KATNIP: variants seen among roughly 807,000 people sequenced by gnomAD.
KATNIP encodes the protein katanin interacting protein.
Under a neutral mutation model 174.0 loss-of-function variants are expected in KATNIP, and 126 were observed. The ratio of observed to expected loss-of-function variants is 0.72; its 90% CI spans 0.63 to 0.84. KATNIP has a LOEUF of 0.84. Among genes scored for constraint, KATNIP ranks in the 40% least tolerant of loss-of-function variants. KATNIP has a pLI of 0.00. For synonymous variants in KATNIP, 810 were observed against 835.7 expected (o/e 0.97, Z 0.53); for missense variants, 1,958 against 2,109.7 (o/e 0.93, Z 1.41).
chr16:27,746,811 A>G (rs2081313312), intron 15 of KATNIP, among the ~76,000 whole-genome samples: 1 of 152,000 alleles, frequency 6.6e-6, no homozygotes, highest in Non-Finnish European at 1.5e-5. Flanking sequence ...GGGAGCGCAG[A>G]GGGGAGGGGA....
At chr16:27,675,340 G>C (rs977428004) in intron 6 of KATNIP, among the ~76,000 whole-genome samples, 1 of 152,182 alleles carries the variant, frequency 6.6e-6, no homozygotes, top group Admixed American at 6.5e-5. Flanking sequence ...CTATGATTCA[G>C]TTATCTCCAC....
chr16:27,694,377 AG>A (rs1484969501), intron 8 of KATNIP, among the ~76,000 whole-genome samples: 1 of 152,204 alleles, frequency 6.6e-6, no homozygotes, highest in Non-Finnish European at 1.5e-5. Flanking sequence ...GCCTTGTACC[AG>A]GTCACAAGTA....
chr16:27,647,048 C>T (rs937491679), intron 5 of KATNIP, among the ~76,000 whole-genome samples: 3 of 151,944 alleles, frequency 2.0e-5, no homozygotes, highest in Non-Finnish European at 2.9e-5. Flanking sequence ...CGGGTTCACG[C>T]GGTTCCTCTT....
rs1050621793 is a variant in KATNIP at position 27,738,594 on chromosome 16, G to A, written c.1744-1447G>A. Reference sequence around the variant, plus strand: ...TAGGCTGGCAGTGAGAGAGGAGAGCGAGGTGGGGACCATTTGTGAAGGTTA... The same window carrying A: ...TAGGCTGGCAGTGAGAGAGGAGAGCAAGGTGGGGACCATTTGTGAAGGTTA... On this transcript the variant is annotated intron_variant, in intron 14 of 27. Transcript: ENST00000261588. Among the ~76,000 whole-genome samples the A allele has an allele frequency of 5.3e-5, 8 of 152,172 alleles. 1 individual carries two copies. The highest frequency in any genetic ancestry group is 1.4e-4 in the African/African-American group (6 of 41,420).
chr16:27,739,945 C>T, intron 14 of KATNIP, 96 bp from the exon 15 acceptor site: 1 of 1,344,716 alleles, frequency 7.4e-7, no homozygotes. Flanking sequence ...TAGCATTTCA[C>T]ATTTTCTTTT....
rs756837624 is a variant in KATNIP, at chr16:27,648,618, C to A, written c.423C>A (p.Ile141=). The A allele has an allele frequency of 6.2e-7, 1 of 1,614,176 alleles. No homozygotes were observed. The highest frequency in any genetic ancestry group is 8.5e-7 in the Non-Finnish European group (1 of 1,180,030). ...RRGWHQKSVQ[I]RTEAGPRLHI... is the part of the protein sequence containing the mutation. The stretch of plus-strand genomic sequence containing the variant: ...TTTTTGTACAGAAATCTGTGCAGAT[C>A]AGAACAGAAGCTGGCCCACGGCTCC... The change falls in exon 6 of 28, where the codon ATC becomes ATA. Residue 141 remains isoleucine (I), a synonymous_variant. Transcript: ENST00000261588.
chr16:27,677,952 G>A lies in KATNIP; in HGVS notation c.764G>A (p.Gly255Asp). The A allele has an allele frequency of 6.2e-7, 1 of 1,614,224 alleles. No homozygotes were observed. Among genetic ancestry groups the A allele is most frequent in the Non-Finnish European group, 8.5e-7 (1 of 1,180,038 alleles). The change falls in exon 7 of 28, where the codon GGC (glycine) becomes GAC (aspartate). Residue 255 changes from glycine (G) to aspartate (D), a missense_variant. Coordinates refer to ENST00000261588, the MANE Select transcript of KATNIP (RefSeq NM_015202.5). ...GAGACAGAAGGACGCTCTTCTCCAG[G>A]CCCAGACACCCTCGTGGTGCTGGAA... is the stretch of plus-strand genomic sequence containing the variant. ...EQETEGRSSP[G>D]PDTLVVLEFN...
At chr16:27,715,727 A>G (rs2079902751) in intron 13 of KATNIP, among the ~76,000 whole-genome samples, 1 of 152,224 alleles carries the variant, frequency 6.6e-6, no homozygotes, top group Non-Finnish European at 1.5e-5. Flanking sequence ...GCAAATCAAA[A>G]CCGCAATGAG....
At chr16:27,562,911 A>G (rs2089944924) in intron 1 of KATNIP, among the ~76,000 whole-genome samples, 1 of 152,254 alleles carries the variant, frequency 6.6e-6, no homozygotes. Flanking sequence ...GGAAGGGATC[A>G]GGAAAGCACA....
chr16:27,576,685 C>T (rs2090510403), intron 2 of KATNIP, among the ~76,000 whole-genome samples: 1 of 152,114 alleles, frequency 6.6e-6, no homozygotes, highest in South Asian at 2.1e-4. Flanking sequence ...CCAGGACTCT[C>T]GTCTGACAGA....
rs568094720 is a variant in KATNIP at position 27,747,793 on chromosome 16, G to A, written c.2624-1791G>A. 5.3e-5 allele frequency among the ~76,000 whole-genome samples: 8 copies of A among 152,260 alleles called. No homozygotes were observed. In the East Asian group the frequency reaches 9.7e-4, roughly 18 times the overall value. On this transcript the variant is annotated intron_variant, in intron 15 of 27. Coordinates refer to ENST00000261588, the MANE Select transcript of KATNIP (RefSeq NM_015202.5). ...GGGAGGGGTGGCAGAGCACCTGAGC[G>A]AAACAGGGAGAAAATAGGGCTGTGG...
rs754949796 is a variant in KATNIP, at chr16:27,777,809, C to T, written c.4712+39C>T. ...CGGCCCCATGGCCTCCCCACCAGCC[C>T]TAAGGAGGATGGATGGCTGGGACAC... On this transcript the variant is annotated intron_variant, in intron 26 of 27. Transcript: ENST00000261588. This position sits in a 1 kb window ranked among gnomAD's most constrained non-coding sequence, Gnocchi z 4.4. The T allele has an allele frequency of 6.2e-7, 1 of 1,613,218 alleles. No homozygotes were observed. The highest frequency in any genetic ancestry group is 8.5e-7 in the Non-Finnish European group (1 of 1,179,288).
chr16:27,583,413 TATGG>T lies in KATNIP; in HGVS notation c.63+9459_63+9462del, dbSNP rs368542112. ...CTCCCTCCACCCCCAGAAGTCACTG[TATGG>T]AATATGATTAGAAGAGAGAATGGTG... On this transcript the variant is annotated intron_variant, in intron 2 of 27. Transcript: ENST00000261588. 5.9e-5 allele frequency among the ~76,000 whole-genome samples: 9 copies of T among 152,284 alleles called. No homozygotes were observed. In the East Asian group the frequency reaches 1.5e-3, roughly 26 times the overall value.
In KATNIP at chr16:27,721,616, T is replaced by A. The variant is rs937277693; in HGVS notation, c.1664T>A (p.Phe555Tyr). The A allele has an allele frequency of 6.2e-7, 1 of 1,614,204 alleles. No homozygotes were observed. The highest frequency in any genetic ancestry group is 8.5e-7 in the Non-Finnish European group (1 of 1,180,032). ...TTCCACCCACCACTCCAGCTGTTTT[T>A]TGTTATTCGAAACACAAGACAGCTG... ...CPFHPPLQLF[F>Y]VIRNTRQLGD... is the part of the protein sequence containing the mutation. The change falls in exon 14 of 28, where the codon TTT becomes TAT. Residue 555 changes from phenylalanine (F) to tyrosine (Y), a missense_variant. Phe to Tyr is a conservative substitution (Grantham distance 22). This residue lies in a region of KATNIP where 1,557 missense variants were observed against 1,617.8 expected (regional missense o/e 0.96). Transcript: ENST00000261588.
chr16:27,680,609 C>T (rs1042562811), intron 7 of KATNIP, among the ~76,000 whole-genome samples: 1 of 151,932 alleles, frequency 6.6e-6, no homozygotes, highest in Non-Finnish European at 1.5e-5. Flanking sequence ...TCACTGCAGT[C>T]TCAAATTCCT....
chr16:27,685,058 G>A (rs1348136154), intron 8 of KATNIP, among the ~76,000 whole-genome samples: 1 of 152,154 alleles, frequency 6.6e-6, no homozygotes, highest in East Asian at 1.9e-4. Flanking sequence ...GACTAACAAA[G>A]TTTTATATAC....
At chr16:27,775,108 G>A (rs776338657) in intron 24 of KATNIP, 24 bp downstream of exon 24, 27 of 1,604,260 alleles carry the variant, frequency 1.7e-5, no homozygotes, top group Middle Eastern at 1.7e-4. Flanking sequence ...AGCGGCCACC[G>A]CAGCTCCTGG....
At chr16:27,634,303 C>G (rs2076572989) in intron 5 of KATNIP, among the ~76,000 whole-genome samples, 1 of 152,228 alleles carries the variant, frequency 6.6e-6, no homozygotes, top group Non-Finnish European at 1.5e-5. Flanking sequence ...CAGTGCCTAA[C>G]AGCAGAGACC....
intron 7 of KATNIP, among the ~76,000 whole-genome samples, chr16:27,679,749 CAA>C (rs60190438): frequency 3.6e-4 from 20 of 55,742 alleles, no homozygotes; most frequent in Non-Finnish European, 3.6e-4. Context: ...GAGACCCTCT[CAA>C]AAAAAAAAAA....
Sources: gnomAD v4.1 joint callset for allele counts (sites outside exome capture counted in the v4.1 genomes callset) on GRCh38, gnomAD v4.1.1 for gene constraint, gnomAD v4.1.1 regional missense constraint, Gnocchi (gnomAD v3.1) non-coding constraint, MANE v1.5 for transcripts, NCBI Gene and HGNC (gene_info 2026-07-23, HGNC 2026-07-21) for gene names.